Variants in ALK observed in about 807,000 individuals in gnomAD.
ALK encodes the protein ALK receptor tyrosine kinase.
ALK carries 74 observed loss-of-function variants against 163.1 expected under a neutral mutation model. The observed-to-expected ratio is 0.45, with a 90% CI of 0.38 to 0.55. ALK has a LOEUF of 0.55. ALK is among the 20% of genes least tolerant of loss of function. The pLI is 0.00. For synonymous variants in ALK, 960 were observed against 843.2 expected (o/e 1.14, Z -2.40); for missense variants, 2,063 against 2,105.3 (o/e 0.98, Z 0.39).
At chr2:29,705,242 TA>T (rs1177604074) in intron 2 of ALK, among the ~76,000 whole-genome samples, 8 of 22,914 alleles carry the variant, frequency 3.5e-4, no homozygotes, top group Admixed American at 2.2e-3. Flanking sequence ...AGAAAAGAAA[TA>T]TATATATATA....
At chr2:29,555,484 C>G (rs1490149886) in intron 3 of ALK, among the ~76,000 whole-genome samples, 1 of 152,154 alleles carries the variant, frequency 6.6e-6, no homozygotes, top group Non-Finnish European at 1.5e-5. Context: ...TAATTGGGAA[C>G]AGTCAATCTG....
chr2:29,916,701 G>A (rs148471817), intron 1 of ALK, among the ~76,000 whole-genome samples: 1 of 152,308 alleles, frequency 6.6e-6, no homozygotes, highest in East Asian at 1.9e-4. Context: ...GGTGGGGAGG[G>A]AGTGCTTACA....
At chr2:29,740,956 C>T (rs10164553) in intron 1 of ALK, among the ~76,000 whole-genome samples, 9,540 of 152,128 alleles carry the variant, frequency 0.063, 781 homozygotes, top group African/African-American at 0.19. Context: ...GAGCAGTGAT[C>T]GTGCCACTGC....
chr2:29,551,154 G>C (rs968923082), intron 3 of ALK, among the ~76,000 whole-genome samples: 44 of 152,128 alleles, frequency 2.9e-4, no homozygotes, highest in African/African-American at 1.0e-3. Flanking sequence ...TTCCTTTCTA[G>C]GAATTGCTTT....
At chr2:29,645,345 G>T (rs1676841036) in intron 3 of ALK, among the ~76,000 whole-genome samples, 1 of 152,094 alleles carries the variant, frequency 6.6e-6, no homozygotes, top group South Asian at 2.1e-4. Context: ...AAGTCAGAAA[G>T]TGTGTATTCA....
At chr2:29,809,227 T>C (rs1664693144) in intron 1 of ALK, among the ~76,000 whole-genome samples, 1 of 152,222 alleles carries the variant, frequency 6.6e-6, no homozygotes, top group Non-Finnish European at 1.5e-5. Context: ...ATAATGAATA[T>C]TATGTGTTGG....
chr2:29,834,310 C>T (rs1482090237), intron 1 of ALK, among the ~76,000 whole-genome samples: 6 of 152,302 alleles, frequency 3.9e-5, no homozygotes, highest in South Asian at 2.1e-4. Flanking sequence ...GTGAAAAATT[C>T]AGCTGATTTT....
intron 13 of ALK, among the ~76,000 whole-genome samples, chr2:29,236,798 C>T (rs1664398214): frequency 6.6e-6 from 1 of 152,232 alleles, no homozygotes; most frequent in African/African-American, 2.4e-5. Flanking sequence ...ACATTCTTCT[C>T]TATCCGTATT....
At chr2:29,507,088 G>A (rs1002977945) in intron 4 of ALK, among the ~76,000 whole-genome samples, 1 of 152,126 alleles carries the variant, frequency 6.6e-6, no homozygotes, top group African/African-American at 2.4e-5. Flanking sequence ...GATTATAGCA[G>A]CATTATTCAC....
chr2:29,473,235 G>A (rs4665460), intron 4 of ALK, among the ~76,000 whole-genome samples: 76,929 of 152,030 alleles, frequency 0.51, 20,552 homozygotes, highest in South Asian at 0.62. Context: ...CTGATTCACA[G>A]CAAAGATGCC....
chr2:29,736,371 A>G (rs1317373173), intron 1 of ALK, among the ~76,000 whole-genome samples: 1 of 152,040 alleles, frequency 6.6e-6, no homozygotes, highest in African/African-American at 2.4e-5. Context: ...AATGGACTAA[A>G]ATAACCATGT....
Position 29,920,295 on chromosome 2 carries a change from G to A in ALK, c.365C>T (p.Thr122Met), listed in dbSNP as rs1367800764. Residue 122 changes from threonine to methionine, a missense_variant, in exon 1 of 29, where the codon ACG (threonine) becomes ATG (methionine). Thr to Met is a moderately conservative substitution (Grantham distance 81, BLOSUM62 -1). Around this residue, in one of 5 missense-constraint regions of ALK, gnomAD observed 987 missense variants for 939.5 expected, o/e 1.05. Transcript: ENST00000389048. ...AGSPAPAEARTLSRVLKGGSV... is the reference protein window; with the variant it reads ...AGSPAPAEARMLSRVLKGGSV... The stretch of plus-strand genomic sequence containing the variant: ...GCCGCCCTTCAGCACCCTGGACAGC[G>A]TCCGGGCCTCTGCCGGGGCTGGTGA... 2 of 1,569,366 alleles carry A rather than the reference G, an allele frequency of 1.3e-6. No individual in the cohort carries two copies. The highest frequency in any genetic ancestry group is 2.4e-5 in the East Asian group (1 of 42,468).
At chr2:29,868,260 C>T (rs1452762035) in intron 1 of ALK, among the ~76,000 whole-genome samples, 1 of 152,202 alleles carries the variant, frequency 6.6e-6, no homozygotes, top group Non-Finnish European at 1.5e-5. Flanking sequence ...GGGGCTCCTG[C>T]CCTTCATTCA....
rs1225632736 is a variant in ALK at position 29,490,872 on chromosome 2, T to C, written c.1154+41043A>G. On this transcript the variant is annotated intron_variant, in intron 4 of 28. Transcript: ENST00000389048. The stretch of plus-strand genomic sequence containing the variant: ...GATGTAGTGATGAGCTTCAGTAGTA[T>C]TTCAAGATGTCTGCAACAGCTGTCA... Among the ~76,000 whole-genome samples, 3 of 152,222 alleles carry C rather than the reference T, an allele frequency of 2.0e-5. No homozygotes were observed. In the East Asian group the frequency reaches 5.8e-4, roughly 29 times the overall value.
At chr2:29,867,001 A>T (rs1206248619) in intron 1 of ALK, among the ~76,000 whole-genome samples, 1 of 152,246 alleles carries the variant, frequency 6.6e-6, no homozygotes, top group East Asian at 1.9e-4. Context: ...ACACTGGTTC[A>T]ATAATTGAAG....
chr2:29,465,091 C>T (rs1326829627), intron 4 of ALK, among the ~76,000 whole-genome samples: 1 of 152,096 alleles, frequency 6.6e-6, no homozygotes, highest in Non-Finnish European at 1.5e-5. Flanking sequence ...AAACCCCAAT[C>T]TGAAGAAACG....
At chr2:29,242,853 G>T (rs1049404566) in intron 12 of ALK, among the ~76,000 whole-genome samples, 11 of 152,236 alleles carry the variant, frequency 7.2e-5, no homozygotes, top group Non-Finnish European at 1.3e-4. Context: ...TGGCAAGCAG[G>T]TTTCTGTGGC....
intron 3 of ALK, among the ~76,000 whole-genome samples, chr2:29,552,087 T>A (rs1176086946): frequency 6.6e-6 from 1 of 152,206 alleles, no homozygotes; most frequent in East Asian, 1.9e-4. Flanking sequence ...CTATTCTAGA[T>A]ACCTTGTAAA....
chr2:29,854,295 C>A (rs116632744), intron 1 of ALK, among the ~76,000 whole-genome samples: 1,548 of 152,086 alleles, frequency 0.01, 20 homozygotes, highest in Non-Finnish European at 0.017. Context: ...AAATGTGATC[C>A]CCAATGCTGG....
Sources: allele counts gnomAD v4.1 joint callset (sites outside exome capture counted in the v4.1 genomes callset), GRCh38; gene constraint gnomAD v4.1.1; regional missense constraint gnomAD v4.1.1; transcripts MANE v1.5; gene names NCBI Gene and HGNC (gene_info 2026-07-23, HGNC 2026-07-21).